Variants in LRP8 observed in about 807,000 individuals in gnomAD.
LRP8 encodes the protein LDL receptor related protein 8.
A neutral mutation model predicts 111.6 loss-of-function variants in LRP8; 46 were observed. The ratio of observed to expected loss-of-function variants is 0.41; its 90% CI spans 0.33 to 0.53. The LOEUF (loss-of-function observed/expected upper bound fraction) is 0.53, where lower values mean the gene tolerates loss of function less well. Among genes scored for constraint, LRP8 ranks in the 20% least tolerant of loss-of-function variants. LRP8 has a pLI of 0.20. For synonymous variants in LRP8, 464 were observed against 511.2 expected (o/e 0.91, Z 1.24); for missense variants, 959 against 1,297.4 (o/e 0.74, Z 4.01).
At chr1:53,285,897 A>G (rs1482860245) in intron 3 of LRP8, among the ~76,000 whole-genome samples, 1 of 152,190 alleles carries the variant, frequency 6.6e-6, no homozygotes, top group Non-Finnish European at 1.5e-5. Flanking sequence ...CAAAGCTGGC[A>G]AGGGGGCTTT....
intron 3 of LRP8, among the ~76,000 whole-genome samples, chr1:53,284,853 C>T (rs773274243): frequency 1.2e-4 from 19 of 152,184 alleles, no homozygotes; most frequent in Non-Finnish European, 2.5e-4. Context: ...CACTGATGAA[C>T]ATCCCTTGGA....
At position 53,275,692 on chromosome 1, in the gene LRP8, G is replaced by C. The variant is rs1220722685; in HGVS notation, c.945C>G (p.Ile315Met). 3 of 1,614,018 alleles carry C rather than the reference G, an allele frequency of 1.9e-6. No homozygotes were observed. The highest frequency in any genetic ancestry group is 1.7e-6 in the Non-Finnish European group (2 of 1,180,012). Reference sequence around the variant, plus strand: ...AGTCCTGCTCCTGGTTGCAGTGCTTGATTGCAAGGACACATGTCCCATCCC... The same window carrying C: ...AGTCCTGCTCCTGGTTGCAGTGCTTCATTGCAAGGACACATGTCCCATCCC... Reference protein sequence around the residue: ...QCGDGTCVLAIKHCNQEQDCP... With the variant: ...QCGDGTCVLAMKHCNQEQDCP... The change falls in exon 6 of 19, where the codon ATC becomes ATG. Residue 315 changes from isoleucine (I) to methionine (M), a missense_variant. Physicochemically the swap from Ile to Met is conservative, Grantham distance 10. Coordinates refer to ENST00000306052, the MANE Select transcript of LRP8 (RefSeq NM_004631.5). This position sits in a 1 kb window ranked among gnomAD's most constrained non-coding sequence, Gnocchi z 4.4.
rs1213082974 is a variant in LRP8 at position 53,242,736 on chromosome 1, G to A, written c.*4282C>T. The A allele has an allele frequency of 6.6e-6, 1 of 151,078 alleles. No individual in the cohort carries two copies. Among genetic ancestry groups the A allele is most frequent in the Non-Finnish European group, 1.5e-5 (1 of 67,846 alleles). The allele number at this position is 151,078 out of a possible 1,614,324, so 9.4% of individuals were successfully genotyped here. On this transcript the variant is annotated 3_prime_UTR_variant, in exon 19 of 19. Coordinates refer to ENST00000306052, the MANE Select transcript of LRP8 (RefSeq NM_004631.5). ...TTTACCCCCAAATTAACAACAGCTT[G>A]TATGGAAAAAAAAATGCTCTTTTAA...
intron 2 of LRP8, among the ~76,000 whole-genome samples, chr1:53,308,033 G>A (rs1652306842): frequency 6.6e-6 from 1 of 152,218 alleles, no homozygotes; most frequent in South Asian, 2.1e-4. Flanking sequence ...CAGCAGCCCT[G>A]GCGGAGTGGT....
chr1:53,290,981 G>A (rs1157634673), intron 2 of LRP8, among the ~76,000 whole-genome samples: 1 of 152,160 alleles, frequency 6.6e-6, no homozygotes, highest in African/African-American at 2.4e-5. Context: ...CACATGCCCT[G>A]TTCCTGCTGG....
chr1:53,265,010 A>C (rs995523360), intron 9 of LRP8, among the ~76,000 whole-genome samples: 2 of 152,196 alleles, frequency 1.3e-5, no homozygotes, highest in African/African-American at 4.8e-5. Context: ...ATGTTAGTTC[A>C]CTGTGGCATC....
Position 53,266,021 on chromosome 1 carries a change from C to T in LRP8, c.1427+452G>A, listed in dbSNP as rs962123216. ...GCCAGATCAGATGCCCAGGTGGGTTCGGAGGCCTCCTCTGTACTTTCTCAT... is the reference window on the plus strand; with the variant it reads ...GCCAGATCAGATGCCCAGGTGGGTTTGGAGGCCTCCTCTGTACTTTCTCAT... On this transcript the variant is annotated intron_variant, in intron 9 of 18. Coordinates refer to ENST00000306052, the MANE Select transcript of LRP8 (RefSeq NM_004631.5). This position sits in a 1 kb window ranked among gnomAD's most constrained non-coding sequence, Gnocchi z 5.0. 5.3e-5 allele frequency among the ~76,000 whole-genome samples: 8 copies of T among 152,174 alleles called. No homozygotes were observed. Among genetic ancestry groups the T allele is most frequent in the Admixed American group, 2.0e-4 (3 of 15,274 alleles).
chr1:53,266,722 T>G lies in LRP8; in HGVS notation c.1253-75A>C, dbSNP rs1646576928. 7.4e-7 allele frequency: 1 copy of G among 1,346,670 alleles called. No individual in the cohort carries two copies. The highest frequency in any genetic ancestry group is 1.8e-5 in the Admixed American group (1 of 56,930). 83.4% of individuals were successfully genotyped at this position (1,346,670 alleles called of 1,614,324 possible). A position where few individuals can be genotyped will look rare whatever the true frequency, so the allele number is the denominator to read the frequency against. The stretch of plus-strand genomic sequence containing the variant: ...AGCCTGGAGACCAAGACTCTGCCAC[T>G]GGCTTGCTGGCTGACACATCCATTT... On this transcript the variant is annotated intron_variant, in intron 8 of 18. Coordinates refer to ENST00000306052, the MANE Select transcript of LRP8 (RefSeq NM_004631.5). This position sits in a 1 kb window ranked among gnomAD's most constrained non-coding sequence, Gnocchi z 5.0.
At chr1:53,316,534 C>T (rs1362259955) in intron 2 of LRP8, among the ~76,000 whole-genome samples, 1 of 152,214 alleles carries the variant, frequency 6.6e-6, no homozygotes, top group Non-Finnish European at 1.5e-5. Flanking sequence ...TTCACAGCCC[C>T]TGCCCCCATG....
At chr1:53,295,137 A>G (rs1649459448) in intron 2 of LRP8, among the ~76,000 whole-genome samples, 1 of 152,212 alleles carries the variant, frequency 6.6e-6, no homozygotes, top group Non-Finnish European at 1.5e-5. Flanking sequence ...CTTTGTAGCC[A>G]GCAAGCCAGG....
chr1:53,242,434 TCA>T lies in LRP8; in HGVS notation c.*4582_*4583del, dbSNP rs1420978467. On this transcript the variant is annotated 3_prime_UTR_variant, in exon 19 of 19. Transcript: ENST00000306052. ...TTTTACAAATGTCCACATTTGGTTT[TCA>T]GTTTACCAAGATGATGCCAGTATAG... 1 of 152,214 alleles carries T rather than the reference TCA, an allele frequency of 6.6e-6. No individual in the cohort carries two copies. The highest frequency in any genetic ancestry group is 1.5e-5 in the Non-Finnish European group (1 of 68,038). The allele number at this position is 152,214 out of a possible 1,614,324, so 9.4% of individuals were successfully genotyped here.
chr1:53,299,474 G>A (rs753581482), intron 2 of LRP8, among the ~76,000 whole-genome samples: 1 of 152,180 alleles, frequency 6.6e-6, no homozygotes, highest in Non-Finnish European at 1.5e-5. Flanking sequence ...TCCTGGTGTG[G>A]GACTGCTGCC....
chr1:53,280,762 G>A, intron 3 of LRP8, 47 bp from the exon 4 acceptor site: 1 of 1,601,752 alleles, frequency 6.2e-7, no homozygotes, highest in East Asian at 2.2e-5. Flanking sequence ...GGGGACACAG[G>A]GCATGGTGCC....
chr1:53,327,173 C>T (rs1414553993), intron 1 of LRP8, 181 bp from the exon 2 acceptor site: 3 of 782,414 alleles, frequency 3.8e-6, no homozygotes, highest in African/African-American at 3.5e-5. Flanking sequence ...CCGTGGATGT[C>T]GGGCCGCTCG....
At chr1:53,272,864 C>G (rs1022082965) in intron 6 of LRP8, among the ~76,000 whole-genome samples, 2 of 152,228 alleles carry the variant, frequency 1.3e-5, no homozygotes, top group Non-Finnish European at 2.9e-5. Flanking sequence ...CCCACTGCCC[C>G]CATCATGCAT....
chr1:53,271,626 A>G (rs574653133), intron 6 of LRP8, among the ~76,000 whole-genome samples: 2 of 152,194 alleles, frequency 1.3e-5, no homozygotes, highest in Non-Finnish European at 2.9e-5. Context: ...TCTGTCCACC[A>G]CCAAGCTGGA....
At chr1:53,270,719 A>C (rs556092051) in intron 8 of LRP8, among the ~76,000 whole-genome samples, 8 of 152,266 alleles carry the variant, frequency 5.3e-5, no homozygotes, top group Non-Finnish European at 1.0e-4. Context: ...ACTCTGCGTC[A>C]CCTTTCAGAG....
Position 53,250,801 on chromosome 1 carries a change from G to A in LRP8, c.2565C>T (p.Asn855=), listed in dbSNP as rs765764173. 2 of 1,614,052 alleles carry A rather than the reference G, an allele frequency of 1.2e-6. No individual in the cohort carries two copies. Among genetic ancestry groups the A allele is most frequent in the Non-Finnish European group, 1.7e-6 (2 of 1,180,016 alleles). The change falls in exon 17 of 19, where the codon AAC becomes AAT. Residue 855 remains asparagine, a synonymous_variant. Transcript: ENST00000306052. This position sits in a 1 kb window ranked among gnomAD's most constrained non-coding sequence, Gnocchi z 4.6. ...YLIWRNWKRK[N]TKSMNFDNPV... The stretch of plus-strand genomic sequence containing the variant: ...GGTTGTCAAAATTCATGCTTTTGGT[G>A]TTCTTCCGCTTCCAGTTTCTCCAGA...
Position 53,317,346 on chromosome 1 carries a change from C to A in LRP8, c.244+9527G>T, listed in dbSNP as rs187108289. Among the ~76,000 whole-genome samples the A allele has an allele frequency of 3.6e-3, 553 of 152,330 alleles. 2 individuals are homozygous for A. The highest frequency in any genetic ancestry group is 0.013 in the African/African-American group (544 of 41,574). On this transcript the variant is annotated intron_variant, in intron 2 of 18. Coordinates refer to ENST00000306052, the MANE Select transcript of LRP8 (RefSeq NM_004631.5). The surrounding 1 kb of genome is among the most constrained non-coding windows in gnomAD (Gnocchi z 4.9). Reference sequence around the variant, plus strand: ...GACCCACTGGGGAACCAAGGCCCCACGTGGCTAACTACCGTGGCAGGCCCG... The same window carrying A: ...GACCCACTGGGGAACCAAGGCCCCAAGTGGCTAACTACCGTGGCAGGCCCG...
Sources: allele counts gnomAD v4.1 joint callset (sites outside exome capture counted in the v4.1 genomes callset), GRCh38; gene constraint gnomAD v4.1.1; non-coding constraint Gnocchi (gnomAD v3.1); transcripts MANE v1.5; gene names NCBI Gene and HGNC (gene_info 2026-07-23, HGNC 2026-07-21).